Variants in MGA observed in about 807,000 individuals in gnomAD.
MGA encodes MAX dimerization protein MGA.
MGA carries 40 observed loss-of-function variants against 261.1 expected under a neutral mutation model. That is an observed-to-expected ratio of 0.15 (90% CI 0.12 to 0.20). MGA has a LOEUF of 0.20. MGA is among the 10% of genes least tolerant of loss of function. MGA has a pLI of 1.00. For missense variants in MGA, 3,397 were observed against 3,630.5 expected, an observed-to-expected ratio of 0.94 and a Z score of 1.65; for synonymous variants, 1,302 against 1,290.6, an observed-to-expected ratio of 1.01 and a Z score of -0.19.
intron 2 of MGA, among the ~76,000 whole-genome samples, chr15:41,671,548 C>T (rs2058061626): frequency 6.6e-6 from 1 of 151,960 alleles, no homozygotes; most frequent in Non-Finnish European, 1.5e-5. Flanking sequence ...AGGCTGGTCT[C>T]AAACTCCTGA....
intron 1 of MGA, among the ~76,000 whole-genome samples, chr15:41,638,688 C>CTTTTTTT (rs761492514): frequency 3.1e-4 from 36 of 115,598 alleles, no homozygotes; most frequent in Non-Finnish European, 3.6e-4. Flanking sequence ...TTTTCTTTTT[C>CTTTTTTT]TTTTTTTTTT....
chr15:41,716,977 G>C (rs565835039), intron 9 of MGA, among the ~76,000 whole-genome samples: 91 of 152,060 alleles, frequency 6.0e-4, no homozygotes, highest in African/African-American at 2.1e-3. Flanking sequence ...ACACTGTTAT[G>C]CATAGCTCTC....
chr15:41,756,689 A>C (rs1304876803), intron 18 of MGA, among the ~76,000 whole-genome samples: 1 of 152,234 alleles, frequency 6.6e-6, no homozygotes, highest in Non-Finnish European at 1.5e-5. Flanking sequence ...ATAACTATAT[A>C]ACAATTAAAA....
At chr15:41,736,830 A>C (rs1567054832) in intron 13 of MGA, 132 bp downstream of exon 13, 2 of 1,073,132 alleles carry the variant, frequency 1.9e-6, no homozygotes, top group East Asian at 2.7e-5. Context: ...CAAAATTATT[A>C]TCTCTTTTTG....
chr15:41,738,467 A>G (rs1458539815), intron 13 of MGA, among the ~76,000 whole-genome samples: 3 of 152,228 alleles, frequency 2.0e-5, no homozygotes, highest in Admixed American at 6.5e-5. Context: ...ACTGTTGTGC[A>G]TGCTATGTAA....
In MGA at chr15:41,749,590, C is replaced by G. The variant is rs1303000144; in HGVS notation, c.5983C>G (p.Gln1995Glu). Residue 1995 changes from glutamine to glutamate, a missense_variant, in exon 17 of 24, where the codon CAG (glutamine) becomes GAG (glutamate). This residue lies in a region of MGA where 1,410 missense variants were observed against 1,386.4 expected (regional missense o/e 1.02). Coordinates refer to ENST00000219905, the MANE Select transcript of MGA (RefSeq NM_001164273.2). ...AGAGCAAGAAACGAAGAAGGTTCTACAGTCAGAAGGAGAGGCTGTAGACCC... is the reference window on the plus strand; with the variant it reads ...AGAGCAAGAAACGAAGAAGGTTCTAGAGTCAGAAGGAGAGGCTGTAGACCC... 1.2e-6 allele frequency: 2 copies of G among 1,613,744 alleles called. No homozygotes were observed. The highest frequency in any genetic ancestry group is 2.7e-5 in the African/African-American group (2 of 74,898).
chr15:41,690,276 TTTC>T (rs1461786616), intron 2 of MGA, among the ~76,000 whole-genome samples: 1 of 152,242 alleles, frequency 6.6e-6, no homozygotes, highest in African/African-American at 2.4e-5. Flanking sequence ...CTGTACTTCG[TTTC>T]TTTTTATTGT....
intron 2 of MGA, among the ~76,000 whole-genome samples, chr15:41,670,368 A>C (rs1394266559): frequency 4.6e-5 from 7 of 152,192 alleles, no homozygotes; most frequent in Admixed American, 4.6e-4. Context: ...TAGGCAAAAC[A>C]AAAAAAGACA....
At chr15:41,666,252 A>G (rs184110647) in intron 1 of MGA, among the ~76,000 whole-genome samples, 2 of 152,314 alleles carry the variant, frequency 1.3e-5, no homozygotes, top group African/African-American at 4.8e-5. Context: ...AAAATTTACA[A>G]AGTGTAAAAG....
intron 2 of MGA, among the ~76,000 whole-genome samples, chr15:41,690,994 G>GTTTTTTT (rs386382831): frequency 2.2e-4 from 23 of 104,314 alleles, no homozygotes; most frequent in East Asian, 1.8e-3. Flanking sequence ...AGATTGCTTT[G>GTTTTTTT]TTTTTTTTTT....
upstream of MGA, among the ~76,000 whole-genome samples, chr15:41,658,891 T>A (rs2057268366): frequency 6.6e-6 from 1 of 152,034 alleles, no homozygotes; most frequent in Non-Finnish European, 1.5e-5. Flanking sequence ...AACCAGTCAT[T>A]CACACCTTAT....
chr15:41,669,035 C>T lies in MGA; in HGVS notation c.141C>T (p.Ala47=). The change falls in exon 2 of 24, where the codon GCC becomes GCT. Residue 47 remains alanine (A), a synonymous_variant. Transcript: ENST00000219905. ...GAATTTTGGTTACTAATCAGGATGC[C>T]TGTGCTTTGGCTAGTAGTGTGTCAT... The T allele has an allele frequency of 6.2e-7, 1 of 1,613,500 alleles. No homozygotes were observed. The highest frequency in any genetic ancestry group is 8.5e-7 in the Non-Finnish European group (1 of 1,179,508).
chr15:41,745,173 G>A (rs1361353008), intron 15 of MGA, among the ~76,000 whole-genome samples: 1 of 150,956 alleles, frequency 6.6e-6, no homozygotes, highest in Non-Finnish European at 1.5e-5. Flanking sequence ...GAGCCACAGC[G>A]CCTGGCTGTA....
intron 11 of MGA, among the ~76,000 whole-genome samples, chr15:41,730,773 T>C (rs2151728357): frequency 6.6e-6 from 1 of 152,352 alleles, no homozygotes; most frequent in African/African-American, 2.4e-5. Context: ...GGTAAGTCTT[T>C]GCTGCAACTG....
At chr15:41,652,424 G>T (rs994800782) in intron 1 of MGA, among the ~76,000 whole-genome samples, 1 of 150,596 alleles carries the variant, frequency 6.6e-6, no homozygotes, top group African/African-American at 2.4e-5. Context: ...AGAGTGTAGT[G>T]GTGCAGTCAT....
At chr15:41,753,867 C>T (rs1215169340) in intron 17 of MGA, among the ~76,000 whole-genome samples, 1 of 152,176 alleles carries the variant, frequency 6.6e-6, no homozygotes, top group Admixed American at 6.6e-5. Flanking sequence ...ACTGAAGCAT[C>T]AGTGCAGTCC....
intron 7 of MGA, 31 bp downstream of exon 7, chr15:41,708,239 T>TC (rs1328424162): frequency 1.4e-6 from 2 of 1,418,440 alleles, no homozygotes; most frequent in Non-Finnish European, 1.9e-6. Flanking sequence ...TTTTAAATGT[T>TC]CTGAAACATG....
chr15:41,656,936 C>T (rs1315164238), upstream of MGA, among the ~76,000 whole-genome samples: 1 of 152,014 alleles, frequency 6.6e-6, no homozygotes, highest in Non-Finnish European at 1.5e-5. Context: ...CCACACTTGG[C>T]TAATTTTTTA....
rs5812201 is a variant in MGA at position 41,768,889 on chromosome 15, A to ACTT, written c.*1612_*1614dup. The ACTT allele has an allele frequency of 0.97, 147,088 of 152,324 alleles. 71,237 individuals carry two copies. Among genetic ancestry groups the ACTT allele is most frequent in the South Asian group, 1 (4,822 of 4,822 alleles). The allele number at this position is 152,324 out of a possible 1,614,324, so 9.4% of individuals were successfully genotyped here. A position where few individuals can be genotyped will look rare whatever the true frequency, so the allele number is the denominator to read the frequency against. On this transcript the variant is annotated 3_prime_UTR_variant, in exon 24 of 24. Coordinates refer to ENST00000219905, the MANE Select transcript of MGA (RefSeq NM_001164273.2). ...TCAACAGATTGAAAACGGTGGAAGA[A>ACTT]CTTCTGAAAATTGCAGTGGGAGCAA...
Sources: gnomAD v4.1 joint callset for allele counts (sites outside exome capture counted in the v4.1 genomes callset) on GRCh38, gnomAD v4.1.1 for gene constraint, gnomAD v4.1.1 regional missense constraint, MANE v1.5 for transcripts, NCBI Gene and HGNC (gene_info 2026-07-23, HGNC 2026-07-21) for gene names.